Variants in VTI1A observed in about 807,000 individuals in gnomAD.
The protein encoded by VTI1A is vesicle transport through interaction with t-SNAREs 1A, also known as vesicle transport through interaction with t-SNAREs homolog 1A.
VTI1A carries 22 observed loss-of-function variants against 34.9 expected under a neutral mutation model. The observed-to-expected ratio is 0.63, with a 90% CI of 0.45 to 0.90. The LOEUF is 0.90. Ranked by LOEUF, VTI1A falls within the 40% of genes least tolerant of loss-of-function variation. The pLI is 0.00. For synonymous variants in VTI1A, 87 were observed against 97.3 expected (o/e 0.89, Z 0.62); for missense variants, 268 against 275.6 (o/e 0.97, Z 0.20).
chr10:112,643,984 G>T (rs1378554147), intron 5 of VTI1A, among the ~76,000 whole-genome samples: 1 of 137,154 alleles, frequency 7.3e-6, no homozygotes, highest in Non-Finnish European at 1.5e-5. Flanking sequence ...TGAATAGGAG[G>T]TAAAAAAAAA....
At chr10:112,581,693 G>T (rs955285862) in intron 5 of VTI1A, among the ~76,000 whole-genome samples, 1 of 152,118 alleles carries the variant, frequency 6.6e-6, no homozygotes, top group African/African-American at 2.4e-5. Flanking sequence ...ATAGATCAGC[G>T]ACAGCATTCC....
intron 7 of VTI1A, among the ~76,000 whole-genome samples, chr10:112,692,661 G>A (rs954735052): frequency 2.0e-5 from 3 of 152,006 alleles, no homozygotes; most frequent in Admixed American, 6.6e-5. Flanking sequence ...TAGCTTTATC[G>A]CACAGAGTAT....
chr10:112,670,657 A>C lies in VTI1A; in HGVS notation c.560+1659A>C, dbSNP rs549827209. Among the ~76,000 whole-genome samples, 283 of 152,296 alleles carry C rather than the reference A, an allele frequency of 1.9e-3. 1 individual carries two copies. The highest frequency in any genetic ancestry group is 6.6e-3 in the African/African-American group (276 of 41,572). ...GGGTGAAGCACAAACAACTTCTGCA[A>C]CCTTTGACTGGGCTTTCTGTAGGGA... On this transcript the variant is annotated intron_variant, in intron 7 of 7. Transcript: ENST00000393077.
At chr10:112,590,319 T>TAGACAGAC (rs759828418) in intron 5 of VTI1A, among the ~76,000 whole-genome samples, 1 of 151,508 alleles carries the variant, frequency 6.6e-6, no homozygotes, top group Non-Finnish European at 1.5e-5. Flanking sequence ...GATAGATAGA[T>TAGACAGAC]AGACAGACAG....
At chr10:112,819,503 G>A (rs1346483503), downstream of VTI1A, among the ~76,000 whole-genome samples, 1 of 152,142 alleles carries the variant, frequency 6.6e-6, no homozygotes, top group Non-Finnish European at 1.5e-5. Flanking sequence ...CTTAAAGGAA[G>A]ATGTGTGTCT....
intron 3 of VTI1A, among the ~76,000 whole-genome samples, chr10:112,472,533 CTTTT>C (rs78914593): frequency 1.5e-5 from 2 of 134,868 alleles, no homozygotes. Flanking sequence ...TACCCATATT[CTTTT>C]TTTTTTTTTT....
chr10:112,733,247 AT>A (rs1850332449), intron 7 of VTI1A, among the ~76,000 whole-genome samples: 1 of 152,162 alleles, frequency 6.6e-6, no homozygotes, highest in African/African-American at 2.4e-5. Flanking sequence ...TCGTTTTAAA[AT>A]TGAAATTCAT....
At chr10:112,788,854 G>A (rs905746156) in intron 7 of VTI1A, among the ~76,000 whole-genome samples, 2 of 151,818 alleles carry the variant, frequency 1.3e-5, no homozygotes, top group African/African-American at 2.4e-5. Flanking sequence ...TTTGCTCTAG[G>A]AATTGTATCT....
chr10:112,735,911 A>C (rs1850434804), intron 7 of VTI1A, among the ~76,000 whole-genome samples: 1 of 151,838 alleles, frequency 6.6e-6, no homozygotes, highest in Non-Finnish European at 1.5e-5. Flanking sequence ...CCACAGAGAC[A>C]CGGGGACAAC....
intron 3 of VTI1A, among the ~76,000 whole-genome samples, chr10:112,505,873 A>G (rs564109015): frequency 1.3e-5 from 2 of 152,012 alleles, no homozygotes; most frequent in South Asian, 2.1e-4. Flanking sequence ...ATTCTGTTCT[A>G]TCTTATTTAT....
chr10:112,619,972 T>A (rs1253840616), intron 5 of VTI1A, among the ~76,000 whole-genome samples: 2 of 152,156 alleles, frequency 1.3e-5, no homozygotes, highest in Non-Finnish European at 2.9e-5. Flanking sequence ...GGTTGTATTT[T>A]TAACTTTGAA....
intron 7 of VTI1A, among the ~76,000 whole-genome samples, chr10:112,790,682 C>A (rs1382971199): frequency 6.6e-6 from 1 of 152,010 alleles, no homozygotes; most frequent in Admixed American, 6.6e-5. Context: ...TTGTTCTTAC[C>A]CAAAATTCTG....
intron 5 of VTI1A, among the ~76,000 whole-genome samples, chr10:112,601,639 C>G (rs1401153410): frequency 1.3e-5 from 2 of 152,022 alleles, no homozygotes; most frequent in Non-Finnish European, 2.9e-5. Flanking sequence ...CCAGTAAAAC[C>G]CTTGACCTTT....
chr10:112,590,380 G>C lies in VTI1A; in HGVS notation c.427+52050G>C, dbSNP rs575463569. Among the ~76,000 whole-genome samples the C allele has an allele frequency of 7.2e-5, 11 of 152,238 alleles. No homozygotes were observed. The East Asian group carries it at 2.1e-3, about 29-fold the overall frequency. ...CCTCTCTATATATGTTTGTGTATGT[G>C]GGAAAGAGATGTATAAATTTATTTA... On this transcript the variant is annotated intron_variant, in intron 5 of 7. Coordinates refer to ENST00000393077, the MANE Select transcript of VTI1A (RefSeq NM_145206.4).
At position 112,509,503 on chromosome 10, in the gene VTI1A, T is replaced by C. The variant is rs527279134; in HGVS notation, c.265-17584T>C. On this transcript the variant is annotated intron_variant, in intron 3 of 7. Transcript: ENST00000393077. ...AAAGAATGACCTCTTCCAGTTTACA[T>C]ATCAGGCGTTAAGATTGAATGCCCT... Among the ~76,000 whole-genome samples the C allele has an allele frequency of 4.6e-5, 7 of 152,330 alleles. No individual in the cohort carries two copies. The East Asian group carries it at 1.2e-3, about 25-fold the overall frequency.
intron 5 of VTI1A, among the ~76,000 whole-genome samples, chr10:112,595,925 A>G (rs1210916463): frequency 1.3e-5 from 2 of 152,200 alleles, no homozygotes; most frequent in Non-Finnish European, 1.5e-5. Context: ...ATGTCCAACA[A>G]TGACAGACTG....
chr10:112,471,367 A>ATTTTTTTTTTT (rs576549183), intron 3 of VTI1A, among the ~76,000 whole-genome samples: 42 of 94,348 alleles, frequency 4.5e-4, no homozygotes, highest in East Asian at 9.9e-4. Context: ...ATTCTTATTG[A>ATTTTTTTTTTT]TTTTTTTTTT....
chr10:112,512,845 G>T lies in VTI1A; in HGVS notation c.265-14242G>T, dbSNP rs191462352. Among the ~76,000 whole-genome samples the T allele has an allele frequency of 5.3e-5, 8 of 152,210 alleles. No homozygotes were observed. In the East Asian group the frequency reaches 1.3e-3, roughly 26 times the overall value. ...TTCTTGTGGGCTTTGTTGAAGATCA[G>T]TTGGCTGTGAATATGTCTTTATTTC... On this transcript the variant is annotated intron_variant, in intron 3 of 7. Transcript: ENST00000393077.
intron 5 of VTI1A, among the ~76,000 whole-genome samples, chr10:112,560,236 T>C (rs1851676720): frequency 6.6e-6 from 1 of 152,238 alleles, no homozygotes; most frequent in African/African-American, 2.4e-5. Context: ...GATAGGTCTT[T>C]AGAGTACTTA....
Sources: gnomAD v4.1 joint callset for allele counts (sites outside exome capture counted in the v4.1 genomes callset) on GRCh38, gnomAD v4.1.1 for gene constraint, MANE v1.5 for transcripts, NCBI Gene and HGNC (gene_info 2026-07-23, HGNC 2026-07-21) for gene names.